NBAS: variants seen among roughly 807,000 people sequenced by gnomAD.
NBAS encodes the protein NBAS subunit of NRZ tethering complex.
Under a neutral mutation model 302.5 loss-of-function variants are expected in NBAS, and 219 were observed. The ratio of observed to expected loss-of-function variants is 0.72; its 90% CI spans 0.65 to 0.81. The LOEUF (loss-of-function observed/expected upper bound fraction) is 0.81, where lower values mean the gene tolerates loss of function less well. NBAS is among the 30% of genes least tolerant of loss of function. The pLI is 0.00. For synonymous variants in NBAS, 1,118 were observed against 1,021.6 expected (o/e 1.09, Z -1.80); for missense variants, 2,932 against 2,841.6 (o/e 1.03, Z -0.72).
intron 13 of NBAS, among the ~76,000 whole-genome samples, chr2:15,477,869 CAAAG>C (rs1053079046): frequency 1.3e-5 from 2 of 152,042 alleles, no homozygotes; most frequent in African/African-American, 2.4e-5. Flanking sequence ...TATGCAAAGA[CAAAG>C]AAAGCCCCAC....
chr2:15,190,153 C>A, intron 49 of NBAS, 111 bp downstream of exon 49: 1 of 1,234,834 alleles, frequency 8.1e-7, no homozygotes, highest in Non-Finnish European at 1.2e-6. Context: ...ATACTGACTA[C>A]GCACACACAT....
At chr2:14,817,970 T>A in the NBAS span, among the ~76,000 whole-genome samples, 1 of 152,148 alleles carries the variant, frequency 6.6e-6, no homozygotes, top group Non-Finnish European at 1.5e-5. Context: ...TCTTTCCTGC[T>A]CTACACATCT....
chr2:15,467,953 G>T, intron 17 of NBAS, 149 bp from the exon 18 acceptor site: 1 of 715,910 alleles, frequency 1.4e-6, no homozygotes, highest in Non-Finnish European at 2.3e-6. Context: ...TGTAAACAAA[G>T]TGATCATTCA....
At chr2:14,949,632 TAAAGA>T in the NBAS span, among the ~76,000 whole-genome samples, 6 of 152,180 alleles carry the variant, frequency 3.9e-5, no homozygotes, top group East Asian at 1.2e-3. Context: ...AATGAACGGA[TAAAGA>T]AAATGTGATA....
intron 1 of NBAS, 130 bp downstream of exon 1, chr2:15,561,049 GCCAAGGCGA>G: frequency 2.7e-6 from 1 of 376,676 alleles, no homozygotes; most frequent in Non-Finnish European, 5.2e-6. Context: ...AGGTGCCGTT[GCCAAGGCGA>G]CCGCACAAGC....
chr2:15,048,799 A>T, the NBAS span, among the ~76,000 whole-genome samples: 3 of 152,248 alleles, frequency 2.0e-5, no homozygotes, highest in African/African-American at 7.2e-5. Flanking sequence ...TGCACTGACC[A>T]GGTGCTGTCC....
In NBAS at chr2:15,272,038, T is replaced by C. The variant is rs1390393947; in HGVS notation, c.5724+3446A>G. Among the ~76,000 whole-genome samples, 5 of 152,226 alleles carry C rather than the reference T, an allele frequency of 3.3e-5. No individual in the cohort carries two copies. The East Asian group carries it at 9.6e-4, about 29-fold the overall frequency. On this transcript the variant is annotated intron_variant, in intron 44 of 51. Transcript: ENST00000281513. ...TTCACTCTCTGACTGCAGGACATAATACTATTTGTAAATATTTTCCCCAGA... is the reference window on the plus strand; with the variant it reads ...TTCACTCTCTGACTGCAGGACATAACACTATTTGTAAATATTTTCCCCAGA...
chr2:14,902,817 A>C, the NBAS span, among the ~76,000 whole-genome samples: 1 of 152,206 alleles, frequency 6.6e-6, no homozygotes, highest in African/African-American at 2.4e-5. Flanking sequence ...CAAAGCCAGA[A>C]AGTCTGAGAA....
At chr2:14,816,160 C>T in the NBAS span, among the ~76,000 whole-genome samples, 367 of 152,328 alleles carry the variant, frequency 2.4e-3, no homozygotes, top group African/African-American at 8.1e-3. Context: ...TTAGCTTACA[C>T]AGGGATCTCC....
At chr2:14,858,125 T>C in the NBAS span, among the ~76,000 whole-genome samples, 2 of 152,126 alleles carry the variant, frequency 1.3e-5, no homozygotes, top group Non-Finnish European at 2.9e-5. Context: ...AGATGTCATC[T>C]CACTCCAGTG....
the NBAS span, among the ~76,000 whole-genome samples, chr2:15,128,488 C>A: frequency 3.9e-5 from 6 of 152,188 alleles, no homozygotes; most frequent in African/African-American, 1.2e-4. Context: ...CAGGTACAAT[C>A]TCTTGCCAAA....
chr2:14,795,241 T>C, the NBAS span, among the ~76,000 whole-genome samples: 25 of 152,322 alleles, frequency 1.6e-4, 1 homozygote, highest in African/African-American at 5.5e-4. Context: ...ATAGTTACAG[T>C]TGTTCCTTAT....
chr2:15,377,209 T>C (rs559121224), intron 30 of NBAS, among the ~76,000 whole-genome samples: 1 of 152,008 alleles, frequency 6.6e-6, no homozygotes, highest in East Asian at 1.9e-4. Context: ...GAATCAATAG[T>C]AAAAAGATGA....
At chr2:14,929,974 C>T in the NBAS span, among the ~76,000 whole-genome samples, 1 of 152,138 alleles carries the variant, frequency 6.6e-6, no homozygotes, top group Non-Finnish European at 1.5e-5. Flanking sequence ...AAGTGTGTAG[C>T]ACTTTCCCCT....
intron 40 of NBAS, among the ~76,000 whole-genome samples, chr2:15,307,370 T>C (rs1671077357): frequency 6.6e-6 from 1 of 152,178 alleles, no homozygotes; most frequent in Admixed American, 6.5e-5. Context: ...CTTTGGGACT[T>C]TTCATTTTGG....
At chr2:15,474,792 C>T (rs1680117587) in intron 14 of NBAS, among the ~76,000 whole-genome samples, 1 of 152,100 alleles carries the variant, frequency 6.6e-6, no homozygotes. Context: ...AATTCCTGGC[C>T]TTAATTGATC....
At chr2:15,133,374 G>A in the NBAS span, among the ~76,000 whole-genome samples, 1 of 152,182 alleles carries the variant, frequency 6.6e-6, no homozygotes, top group African/African-American at 2.4e-5. Flanking sequence ...CAAGTGGTAG[G>A]TGAGATGGTC....
intron 3 of NBAS, among the ~76,000 whole-genome samples, chr2:15,556,335 T>C (rs1237791168): frequency 6.6e-6 from 1 of 152,202 alleles, no homozygotes; most frequent in Non-Finnish European, 1.5e-5. Flanking sequence ...AGCTGGAAAT[T>C]AGCATCATCC....
chr2:15,232,468 C>T lies in NBAS; in HGVS notation c.6190G>A (p.Val2064Ile). 1 of 1,614,078 alleles carries T rather than the reference C, an allele frequency of 6.2e-7. No homozygotes were observed. Among genetic ancestry groups the T allele is most frequent in the South Asian group, 1.1e-5 (1 of 91,082 alleles). Residue 2064 changes from valine (V) to isoleucine (I), a missense_variant, in exon 47 of 52, where the codon GTC becomes ATC. Val to Ile is a conservative substitution (Grantham distance 29, BLOSUM62 3). Transcript: ENST00000281513. ...ACTGCTGCAACAACACCTTCCAGGA[C>T]CTTCAGTGGGTCCCTTGGCCCACCA... ...DLGGPRDPLK[V>I]LEGVVAAVHA...
Sources: gnomAD v4.1 joint callset for allele counts (sites outside exome capture counted in the v4.1 genomes callset) on GRCh38, gnomAD v4.1.1 for gene constraint, MANE v1.5 for transcripts, NCBI Gene and HGNC (gene_info 2026-07-23, HGNC 2026-07-21) for gene names.